The following BBS9 variants were observed in gnomAD, a reference collection of about 807,000 sequenced individuals.
The protein encoded by BBS9 is Bardet-Biedl syndrome 9, also known as protein PTHB1.
In BBS9, 89 loss-of-function variants were observed where a neutral mutation model predicts 117.7. The ratio of observed to expected loss-of-function variants is 0.76; its 90% confidence interval spans 0.64 to 0.90. The LOEUF is 0.90. Ranked by LOEUF, BBS9 falls within the 40% of genes least tolerant of loss-of-function variation. The probability of loss-of-function intolerance (pLI) is 0.00; values close to 1 mark genes in which losing one functional copy is unlikely to be tolerated. For synonymous variants in BBS9, 379 were observed against 370.9 expected, an observed-to-expected ratio of 1.02 and a Z score of -0.25; for missense variants, 982 against 1,042.2, an observed-to-expected ratio of 0.94 and a Z score of 0.80.
intron 9 of BBS9, among the ~76,000 whole-genome samples, chr7:33,275,865 T>C (rs1276139923): frequency 1.3e-5 from 2 of 152,152 alleles, no homozygotes; most frequent in Non-Finnish European, 2.9e-5. Context: ...GAGTTAACAG[T>C]CAATAATAAC....
At chr7:33,364,927 C>G (rs1040874286) in intron 16 of BBS9, among the ~76,000 whole-genome samples, 1 of 151,500 alleles carries the variant, frequency 6.6e-6, no homozygotes, top group African/African-American at 2.4e-5. Flanking sequence ...CAAGGTTTCA[C>G]TTTGTTACCC....
rs147030582 is a variant in BBS9, at chr7:33,323,824, C to T, written c.1017-12617C>T. Among the ~76,000 whole-genome samples the T allele has an allele frequency of 4.1e-4, 60 of 147,616 alleles. 1 individual carries two copies. Among genetic ancestry groups the T allele is most frequent in the East Asian group, 3.7e-3 (19 of 5,128 alleles). On this transcript the variant is annotated intron_variant, in intron 9 of 22. Coordinates refer to ENST00000242067, the MANE Select transcript of BBS9 (RefSeq NM_198428.3). ...TCTTCTCTTCCTTCTTTTCTTCATT[C>T]CTGTCTTCCTTTTTTTTTTTTTTTT...
chr7:33,599,869 A>G (rs577939508), intron 21 of BBS9, among the ~76,000 whole-genome samples: 1 of 152,218 alleles, frequency 6.6e-6, no homozygotes, highest in South Asian at 2.1e-4. Context: ...ATTATATTCC[A>G]CCTAGCAGTG....
chr7:33,512,070 A>G (rs1000292438), intron 20 of BBS9, among the ~76,000 whole-genome samples: 1 of 152,340 alleles, frequency 6.6e-6, no homozygotes, highest in Middle Eastern at 3.4e-3. Context: ...GGTAATTCCC[A>G]TGATCTTAGC....
At chr7:33,297,927 A>G (rs983710012) in intron 9 of BBS9, among the ~76,000 whole-genome samples, 1 of 152,164 alleles carries the variant, frequency 6.6e-6, no homozygotes, top group Non-Finnish European at 1.5e-5. Flanking sequence ...CTATGGTTTT[A>G]CCGTAGTGAA....
chr7:33,265,711 C>T (rs989815288), intron 7 of BBS9, among the ~76,000 whole-genome samples: 4 of 152,014 alleles, frequency 2.6e-5, no homozygotes, highest in African/African-American at 9.7e-5. Flanking sequence ...GGCATGGTGG[C>T]CCATGCCTGT....
At chr7:33,541,663 T>G (rs1852324522) in intron 21 of BBS9, among the ~76,000 whole-genome samples, 1 of 152,176 alleles carries the variant, frequency 6.6e-6, no homozygotes, top group South Asian at 2.1e-4. Flanking sequence ...GGGTAAACAT[T>G]AAAAACATTA....
chr7:33,429,868 G>C (rs1258344883), intron 19 of BBS9, among the ~76,000 whole-genome samples: 1 of 151,748 alleles, frequency 6.6e-6, no homozygotes, highest in East Asian at 1.9e-4. Context: ...AAAACCTATA[G>C]TTTTGTTAAC....
intron 19 of BBS9, among the ~76,000 whole-genome samples, chr7:33,411,011 GTT>G (rs765425062): frequency 0.041 from 3,931 of 96,430 alleles, 64 homozygotes; most frequent in African/African-American, 0.11. Context: ...AAATGTTGGT[GTT>G]TTTTTTTTTT....
chr7:33,481,603 GT>G (rs1842523924), intron 19 of BBS9, among the ~76,000 whole-genome samples: 1 of 152,156 alleles, frequency 6.6e-6, no homozygotes, highest in Non-Finnish European at 1.5e-5. Context: ...GTCCATATAT[GT>G]GTAGGTAGTT....
intron 19 of BBS9, among the ~76,000 whole-genome samples, chr7:33,492,677 G>A (rs1844151765): frequency 6.6e-6 from 1 of 152,070 alleles, no homozygotes; most frequent in Admixed American, 6.6e-5. Flanking sequence ...ACTTAAAAGA[G>A]GGACAAACAA....
intron 5 of BBS9, among the ~76,000 whole-genome samples, chr7:33,186,449 G>A (rs1208407619): frequency 6.6e-6 from 1 of 152,188 alleles, no homozygotes; most frequent in Non-Finnish European, 1.5e-5. Flanking sequence ...GGCTGTGAGT[G>A]AATTTACCTC....
intron 17 of BBS9, among the ~76,000 whole-genome samples, chr7:33,382,464 A>G (rs1185472169): frequency 6.6e-6 from 1 of 150,432 alleles, no homozygotes; most frequent in Non-Finnish European, 1.5e-5. Context: ...TGTCTCAAAA[A>G]AAAAAAAAAA....
intron 5 of BBS9, among the ~76,000 whole-genome samples, chr7:33,182,027 C>T (rs1447515047): frequency 6.6e-6 from 1 of 152,194 alleles, no homozygotes; most frequent in Non-Finnish European, 1.5e-5. Flanking sequence ...GCGGAGCTTG[C>T]AGTGAGCCGA....
intron 16 of BBS9, among the ~76,000 whole-genome samples, chr7:33,360,005 C>T (rs1030347875): frequency 1.6e-4 from 25 of 151,980 alleles, no homozygotes; most frequent in African/African-American, 6.0e-4. Context: ...CATTTATCCC[C>T]AAAAAGAATT....
intron 9 of BBS9, among the ~76,000 whole-genome samples, chr7:33,310,973 A>G (rs986426987): frequency 6.6e-6 from 1 of 152,224 alleles, no homozygotes; most frequent in Non-Finnish European, 1.5e-5. Flanking sequence ...TCAAATAAAC[A>G]TATCATTCCA....
chr7:33,290,513 G>A (rs1356650789), intron 9 of BBS9, among the ~76,000 whole-genome samples: 1 of 152,164 alleles, frequency 6.6e-6, no homozygotes, highest in Non-Finnish European at 1.5e-5. Context: ...TTGTTCCTTA[G>A]TGTAACGACA....
chr7:33,542,514 T>C (rs1852492869), intron 21 of BBS9, among the ~76,000 whole-genome samples: 2 of 152,104 alleles, frequency 1.3e-5, no homozygotes, highest in African/African-American at 4.8e-5. Context: ...CCAGAGTCCA[T>C]TGTATCATTC....
At chr7:33,268,192 T>C (rs1165216220) in intron 7 of BBS9, among the ~76,000 whole-genome samples, 1 of 152,232 alleles carries the variant, frequency 6.6e-6, no homozygotes, top group Non-Finnish European at 1.5e-5. Flanking sequence ...TAATCTTTTT[T>C]GGGTGGTTCT....
Sources: gnomAD v4.1 joint callset for allele counts (sites outside exome capture counted in the v4.1 genomes callset) on GRCh38, gnomAD v4.1.1 for gene constraint, MANE v1.5 for transcripts, NCBI Gene and HGNC (gene_info 2026-07-23, HGNC 2026-07-21) for gene names.